ADAM12: variants seen among roughly 807,000 people sequenced by gnomAD.
ADAM12 encodes ADAM metallopeptidase domain 12, also known as disintegrin and metalloproteinase domain-containing protein 12.
In ADAM12, 70 loss-of-function variants were observed where a neutral mutation model predicts 106.4. The observed-to-expected ratio is 0.66, with a 90% confidence interval of 0.54 to 0.80. The LOEUF (loss-of-function observed/expected upper bound fraction) is 0.80, where lower values mean the gene tolerates loss of function less well. ADAM12 is among the 30% of genes least tolerant of loss of function. The pLI is 0.00. For synonymous variants in ADAM12, 420 were observed against 433.5 expected (o/e 0.97, Z 0.39); for missense variants, 1,010 against 1,171.9 (o/e 0.86, Z 2.02).
chr10:126,199,137 G>T (rs1002700416), intron 3 of ADAM12, among the ~76,000 whole-genome samples: 4 of 152,160 alleles, frequency 2.6e-5, no homozygotes, highest in African/African-American at 9.7e-5. Flanking sequence ...TGCTTACCAG[G>T]TTGAAGACCC....
At chr10:126,182,007 A>G (rs1957321069) in intron 3 of ADAM12, among the ~76,000 whole-genome samples, 1 of 152,204 alleles carries the variant, frequency 6.6e-6, no homozygotes, top group Non-Finnish European at 1.5e-5. Context: ...CCTTCAGAAG[A>G]CACGTAAAGC....
intron 22 of ADAM12, among the ~76,000 whole-genome samples, chr10:126,019,246 C>CT (rs1953715172): frequency 6.6e-6 from 1 of 152,198 alleles, no homozygotes. Context: ...TGCTGCCATA[C>CT]TTCCTGTACA....
chr10:126,104,774 C>T lies in ADAM12; in HGVS notation c.742-3533G>A, dbSNP rs140325267. ...CCAGAATGTCACCTTCATCACTAAA[C>T]CACTCGTCTGTTTTCCAGTCTAGGA... On this transcript the variant is annotated intron_variant, in intron 8 of 22. Coordinates refer to ENST00000448723, the MANE Select transcript of ADAM12 (RefSeq NM_001288973.2). Among the ~76,000 whole-genome samples, 560 of 152,292 alleles carry T rather than the reference C, an allele frequency of 3.7e-3. 5 individuals carry two copies. The highest frequency in any genetic ancestry group is 0.013 in the African/African-American group (532 of 41,550).
chr10:126,135,465 G>T, intron 5 of ADAM12, 119 bp downstream of exon 5: 1 of 927,226 alleles, frequency 1.1e-6, no homozygotes, highest in Non-Finnish European at 1.7e-6. Context: ...AGGTGGAGGT[G>T]TAGCTGAGCT....
chr10:126,173,809 G>A (rs1957165708), intron 3 of ADAM12, among the ~76,000 whole-genome samples: 2 of 151,976 alleles, frequency 1.3e-5, no homozygotes, highest in Admixed American at 6.6e-5. Flanking sequence ...AGGCCGGTCT[G>A]GGACCTTGGT....
At chr10:126,330,717 A>G (rs3740200) in intron 1 of ADAM12, among the ~76,000 whole-genome samples, 17,488 of 152,264 alleles carry the variant, frequency 0.11, 1,356 homozygotes, top group East Asian at 0.25. Context: ...AAAGAAAACA[A>G]AAGTTAATTA....
intron 11 of ADAM12, among the ~76,000 whole-genome samples, chr10:126,084,032 T>G (rs1955287611): frequency 6.6e-6 from 1 of 152,192 alleles, no homozygotes; most frequent in African/African-American, 2.4e-5. Context: ...TAGTAGGCCA[T>G]TTCCATTGTT....
chr10:126,068,200 A>T (rs566450348), intron 12 of ADAM12, among the ~76,000 whole-genome samples: 28 of 152,272 alleles, frequency 1.8e-4, no homozygotes, highest in Middle Eastern at 3.4e-3. Context: ...AACTTTTTTT[A>T]AAAAAAGTAG....
chr10:126,254,420 G>T (rs1180958710), intron 3 of ADAM12, among the ~76,000 whole-genome samples: 1 of 152,168 alleles, frequency 6.6e-6, no homozygotes. Flanking sequence ...CTGGCTCCAG[G>T]AAGAACCTGC....
chr10:126,084,195 A>ACTTTATTAAAACTCT (rs1955290341), intron 11 of ADAM12, among the ~76,000 whole-genome samples: 1 of 152,200 alleles, frequency 6.6e-6, no homozygotes, highest in South Asian at 2.1e-4. Context: ...TCACCAACTG[A>ACTTTATTAAAACTCT]GCTCTGGTCA....
At chr10:126,276,047 T>C (rs1204797075) in intron 3 of ADAM12, among the ~76,000 whole-genome samples, 1 of 152,212 alleles carries the variant, frequency 6.6e-6, no homozygotes. Flanking sequence ...CCATGAATTT[T>C]TTATAATAAA....
chr10:126,171,086 T>G (rs1380442), intron 3 of ADAM12, among the ~76,000 whole-genome samples: 62,642 of 151,860 alleles, frequency 0.41, 13,086 homozygotes, highest in African/African-American at 0.45. Flanking sequence ...AAGGGTAAAT[T>G]GACATTTTCC....
At position 126,383,150 on chromosome 10, in the gene ADAM12, G is replaced by A. The variant is rs568771071; in HGVS notation, c.88+4908C>T. Among the ~76,000 whole-genome samples, 7 of 151,946 alleles carry A rather than the reference G, an allele frequency of 4.6e-5. No homozygotes were observed. The East Asian group carries it at 1.4e-3, about 30-fold the overall frequency. ...TTTTGTTGAGATGTGGTGGGGTTGGGGGGTGTGGCTCACTATATTACCCAG... is the reference window on the plus strand; with the variant it reads ...TTTTGTTGAGATGTGGTGGGGTTGGAGGGTGTGGCTCACTATATTACCCAG... On this transcript the variant is annotated intron_variant, in intron 1 of 22. Coordinates refer to ENST00000448723, the MANE Select transcript of ADAM12 (RefSeq NM_001288973.2).
At chr10:126,239,120 G>A (rs1373802156) in intron 3 of ADAM12, among the ~76,000 whole-genome samples, 1 of 152,180 alleles carries the variant, frequency 6.6e-6, no homozygotes, top group East Asian at 1.9e-4. Flanking sequence ...TGCAGTAAGG[G>A]AGAACCACTT....
chr10:126,154,879 T>C (rs1956785214), intron 4 of ADAM12, among the ~76,000 whole-genome samples: 1 of 152,218 alleles, frequency 6.6e-6, no homozygotes, highest in African/African-American at 2.4e-5. Context: ...GAGTTTAATG[T>C]AGCCAAGTTC....
chr10:126,312,779 C>T (rs755484289), intron 2 of ADAM12, among the ~76,000 whole-genome samples: 1 of 152,082 alleles, frequency 6.6e-6, no homozygotes, highest in Non-Finnish European at 1.5e-5. Context: ...ACAATGGTGC[C>T]GTCAAACCCG....
At chr10:126,341,376 C>T (rs1047388255) in intron 1 of ADAM12, among the ~76,000 whole-genome samples, 1 of 152,146 alleles carries the variant, frequency 6.6e-6, no homozygotes, top group African/African-American at 2.4e-5. Flanking sequence ...TTAAAAATTT[C>T]CATGGCCTCA....
intron 18 of ADAM12, chr10:126,041,931 G>A (rs1380727889): frequency 1.6e-5 from 23 of 1,412,732 alleles, no homozygotes; most frequent in South Asian, 7.9e-5. Context: ...CCAGGAAGTC[G>A]CTGCCCTTCC....
intron 3 of ADAM12, among the ~76,000 whole-genome samples, chr10:126,204,629 G>C (rs940589136): frequency 6.6e-6 from 1 of 152,232 alleles, no homozygotes; most frequent in Non-Finnish European, 1.5e-5. Context: ...AAATGAAAAT[G>C]TGGCACCTTT....
Sources: gnomAD v4.1 joint callset for allele counts (sites outside exome capture counted in the v4.1 genomes callset) on GRCh38, gnomAD v4.1.1 for gene constraint, MANE v1.5 for transcripts, NCBI Gene and HGNC (gene_info 2026-07-23, HGNC 2026-07-21) for gene names.